Variants in SPTBN5 observed in about 807,000 individuals in gnomAD.
The protein encoded by SPTBN5 is spectrin beta, non-erythrocytic 5, also known as spectrin beta chain, non-erythrocytic 5.
In SPTBN5, 513 loss-of-function variants were observed where a neutral mutation model predicts 477.6. The ratio of observed to expected loss-of-function variants is 1.07; its 90% CI spans 1.00 to 1.16. The LOEUF (loss-of-function observed/expected upper bound fraction) is 1.16, where lower values mean the gene tolerates loss of function less well. Ranked by LOEUF, SPTBN5 falls within the 50% of genes most tolerant of loss-of-function variation. The probability of loss-of-function intolerance (pLI) is 0.00; values close to 1 mark genes in which losing one functional copy is unlikely to be tolerated. For synonymous variants in SPTBN5, 2,169 were observed against 2,011.7 expected (o/e 1.08, Z -2.09); for missense variants, 5,062 against 4,731.8 (o/e 1.07, Z -2.05).
Position 41,876,967 on chromosome 15 carries a change from G to C in SPTBN5, c.3712-19C>G. On this transcript the variant is annotated intron_variant, in intron 18 of 67. Transcript: ENST00000320955. ...CGTCCTCCTGGGAGTGCAGAGACCT[G>C]AGGTCATGCCTGGGAGAATGGGGGT... The C allele has an allele frequency of 6.3e-7, 1 of 1,597,720 alleles. No homozygotes were observed. The highest frequency in any genetic ancestry group is 8.5e-7 in the Non-Finnish European group (1 of 1,173,234).
At chr15:41,886,422 G>A (rs2067153849) in intron 6 of SPTBN5, 56 bp from the exon 7 acceptor site, 2 of 1,504,150 alleles carry the variant, frequency 1.3e-6, no homozygotes, top group Non-Finnish European at 1.8e-6. Context: ...CCCTGGAATG[G>A]GCACTGAGTG....
At chr15:41,884,527 G>A (rs2067084959) in intron 7 of SPTBN5, among the ~76,000 whole-genome samples, 1 of 152,138 alleles carries the variant, frequency 6.6e-6, no homozygotes, top group African/African-American at 2.4e-5. Context: ...TGTCACCACT[G>A]CTGCTCCGTC....
intron 12 of SPTBN5, 21 bp from the exon 13 acceptor site, chr15:41,881,255 C>T (rs781132545): frequency 1.7e-5 from 26 of 1,572,840 alleles, no homozygotes; most frequent in Middle Eastern, 4.7e-4. Flanking sequence ...AAGGGCAGCG[C>T]GTCTACAGGC....
intron 67 of SPTBN5, 45 bp downstream of exon 67, chr15:41,849,824 A>C (rs1314877614): frequency 6.8e-7 from 1 of 1,475,084 alleles, no homozygotes; most frequent in East Asian, 2.5e-5. Context: ...CCAGCCACTG[A>C]AGCCCAGGGC....
chr15:41,856,316 G>A lies in SPTBN5; in HGVS notation c.9021+70C>T, dbSNP rs771841076. On this transcript the variant is annotated intron_variant, in intron 53 of 67. Coordinates refer to ENST00000320955, the MANE Select transcript of SPTBN5 (RefSeq NM_016642.4). ...AGGTGCCCAGGCCAGGAGCCCCGGAGTGACCTCCCAGCCGCACTCGCCCTG... is the reference window on the plus strand; with the variant it reads ...AGGTGCCCAGGCCAGGAGCCCCGGAATGACCTCCCAGCCGCACTCGCCCTG... 9 of 1,385,346 alleles carry A rather than the reference G, an allele frequency of 6.5e-6. No individual in the cohort carries two copies. The Admixed American group carries it at 1.4e-4, about 21-fold the overall frequency. The allele number at this position is 1,385,346 out of a possible 1,614,324, so 85.8% of individuals were successfully genotyped here. A position where few individuals can be genotyped will look rare whatever the true frequency, so the allele number is the denominator to read the frequency against.
chr15:41,855,526 CGG>C, intron 54 of SPTBN5, 21 bp downstream of exon 54: 2 of 1,604,316 alleles, frequency 1.2e-6, no homozygotes, highest in Non-Finnish European at 1.7e-6. Flanking sequence ...TGCTCCTTCG[CGG>C]ATGGTGTGGC....
intron 15 of SPTBN5, 103 bp from the exon 16 acceptor site, chr15:41,879,602 T>C (rs2271283): frequency 0.24 from 372,974 of 1,547,090 alleles, 46,740 homozygotes; most frequent in Middle Eastern, 0.4. Context: ...AGACTGGCTG[T>C]CCCTTGCCCC....
In SPTBN5 at chr15:41,888,068, G is replaced by A. The variant is rs181210895; in HGVS notation, c.519C>T (p.Ser173=). 5.1e-6 allele frequency: 8 copies of A among 1,573,102 alleles called. No homozygotes were observed. In the Admixed American group the frequency reaches 7.4e-5, roughly 15 times the overall value. Residue 173 remains serine (S), a synonymous_variant, in exon 5 of 68, where the codon AGC becomes AGT. Transcript: ENST00000320955. ...CTTCCTTGGTGGACAGCAGGGCTGC[G>A]CTGGCCCCAAACTCCTCCTGGCGGG... ...ISLDKEEFGA[S]AALLSTKEAL... is the part of the protein sequence containing the mutation.
At chr15:41,887,084 A>G in intron 6 of SPTBN5, 129 bp downstream of exon 6, 2 of 776,016 alleles carry the variant, frequency 2.6e-6, no homozygotes, top group Admixed American at 2.1e-5. Flanking sequence ...TCCATGTGAT[A>G]GAGGGTGCAC....
rs1241620471 is a variant in SPTBN5, at chr15:41,852,813, C to G, written c.10347+11G>C. The G allele has an allele frequency of 8.7e-6, 14 of 1,609,722 alleles. No homozygotes were observed. The highest frequency in any genetic ancestry group is 1.2e-5 in the Non-Finnish European group (14 of 1,177,754). The stretch of plus-strand genomic sequence containing the variant: ...CCTGGTAGCCAGCTAAGGGGCAGGA[C>G]CCCCACTCACCCCATAGTCGGGCTT... On this transcript the variant is annotated intron_variant, in intron 60 of 67. Coordinates refer to ENST00000320955, the MANE Select transcript of SPTBN5 (RefSeq NM_016642.4).
intron 27 of SPTBN5, 149 bp downstream of exon 27, chr15:41,872,153 A>G (rs1187653772): frequency 3.5e-6 from 4 of 1,149,112 alleles, no homozygotes; most frequent in African/African-American, 1.6e-5. Context: ...GAATTTATGG[A>G]AAGAGGTGAG....
At position 41,848,560 on chromosome 15, in the gene SPTBN5, C is replaced by T. The variant is rs1262643841; in HGVS notation, c.*56G>A. On this transcript the variant is annotated 3_prime_UTR_variant, in exon 68 of 68. Transcript: ENST00000320955. ...CCTGTAGCTGAGTCTTATTCTGGTCCCTTAGATGTGTCCTCGCTTGTGCCC... is the reference window on the plus strand; with the variant it reads ...CCTGTAGCTGAGTCTTATTCTGGTCTCTTAGATGTGTCCTCGCTTGTGCCC... 1.2e-6 allele frequency: 2 copies of T among 1,609,416 alleles called. No individual in the cohort carries two copies. Among genetic ancestry groups the T allele is most frequent in the East Asian group, 2.2e-5 (1 of 44,882 alleles).
At position 41,882,750 on chromosome 15, in the gene SPTBN5, T is replaced by C. The variant is rs746477446; in HGVS notation, c.1893-12A>G. 5.0e-6 allele frequency: 8 copies of C among 1,605,648 alleles called. No individual in the cohort carries two copies. The highest frequency in any genetic ancestry group is 6.8e-6 in the Non-Finnish European group (8 of 1,176,162). ...CCAGCAGGGCCCGCCTGAGGGACAA[T>C]AGGGGCCACCGAAGGACATGGGGAG... On this transcript the variant is annotated splice_polypyrimidine_tract_variant and intron_variant, in intron 9 of 67. Coordinates refer to ENST00000320955, the MANE Select transcript of SPTBN5 (RefSeq NM_016642.4).
chr15:41,867,272 A>C (rs2066357129), intron 35 of SPTBN5, 146 bp from the exon 36 acceptor site: 2 of 1,031,038 alleles, frequency 1.9e-6, no homozygotes, highest in Non-Finnish European at 2.7e-6. Flanking sequence ...TCCCAGCCAC[A>C]AGCCAGACCA....
chr15:41,850,696 G>T (rs900245939), intron 66 of SPTBN5, 158 bp downstream of exon 66: 9 of 682,780 alleles, frequency 1.3e-5, no homozygotes, highest in Non-Finnish European at 2.2e-5. Context: ...AACCTCTCCA[G>T]GACCTAAATT....
intron 4 of SPTBN5, 117 bp downstream of exon 4, chr15:41,889,967 TTTCCA>T: frequency 1.5e-6 from 1 of 649,904 alleles, no homozygotes; most frequent in Non-Finnish European, 2.8e-6. Flanking sequence ...GACTTTGCAG[TTTCCA>T]GGATCTCCTA....
chr15:41,874,212 G>A, intron 24 of SPTBN5, 80 bp downstream of exon 24: 2 of 1,530,476 alleles, frequency 1.3e-6, no homozygotes, highest in East Asian at 2.3e-5. Context: ...TAGAGGCCAG[G>A]ACACCTGAGT....
At chr15:41,865,323 A>G (rs553172503) in intron 39 of SPTBN5, among the ~76,000 whole-genome samples, 11 of 152,354 alleles carry the variant, frequency 7.2e-5, no homozygotes, top group South Asian at 4.1e-4. Context: ...CATATGTCCT[A>G]TCTTTTTAAG....
In SPTBN5 at chr15:41,882,603, G is replaced by C. The variant is rs762177156; in HGVS notation, c.2028C>G (p.Gly676=). ...ALGRDLSQIA[G]ALQKHKALEA... ...CTGACACCTTGTGTTTCTGCAGGGC[G>C]CCTGCGATCTGGCTGAGATCCCGGC... Residue 676 remains glycine (G), a synonymous_variant, in exon 10 of 68, where the codon GGC becomes GGG. Coordinates refer to ENST00000320955, the MANE Select transcript of SPTBN5 (RefSeq NM_016642.4). 1.2e-6 allele frequency: 2 copies of C among 1,603,436 alleles called. No individual in the cohort carries two copies. The highest frequency in any genetic ancestry group is 2.2e-5 in the South Asian group (2 of 89,126).
Sources: gnomAD v4.1 joint callset for allele counts (sites outside exome capture counted in the v4.1 genomes callset) on GRCh38, gnomAD v4.1.1 for gene constraint, MANE v1.5 for transcripts, NCBI Gene and HGNC (gene_info 2026-07-23, HGNC 2026-07-21) for gene names.